The following DDX39A variants were observed in gnomAD, a reference collection of about 807,000 sequenced individuals.
DDX39A encodes the protein ATP-dependent RNA helicase DDX39A.
A neutral mutation model predicts 46.3 loss-of-function variants in DDX39A; 13 were observed. The ratio of observed to expected loss-of-function variants is 0.28; its 90% CI spans 0.18 to 0.45. DDX39A has a LOEUF of 0.45. Among genes scored for constraint, DDX39A ranks in the 20% least tolerant of loss-of-function variants. The pLI, the probability that DDX39A is intolerant of heterozygous loss-of-function variation, is 1.00. For synonymous variants in DDX39A, 234 were observed against 224.6 expected, an observed-to-expected ratio of 1.04 and a Z score of -0.38; for missense variants, 352 against 581.8, an observed-to-expected ratio of 0.61 and a Z score of 4.06.
chr19:14,412,753 G>T lies in DDX39A; in HGVS notation c.209-75C>A, dbSNP rs1356632704. 6.5e-7 allele frequency: 1 copy of T among 1,533,898 alleles called. No individual in the cohort carries two copies. Among genetic ancestry groups the T allele is most frequent in the East Asian group, 2.3e-5 (1 of 44,248 alleles). On this transcript the variant is annotated intron_variant, in intron 2 of 10. Transcript: ENST00000242776. The surrounding 1 kb of genome is among the most constrained non-coding windows in gnomAD (Gnocchi z 4.4). ...GCAGGATCCTCACCAGTTGACCGGG[G>T]GCCCACAGTGAGGGCAATCAGAAGA...
Position 14,411,679 on chromosome 19 carries a change from C to A in DDX39A, c.337-81G>T. On this transcript the variant is annotated intron_variant, in intron 3 of 10. Transcript: ENST00000242776. This position sits in a 1 kb window ranked among gnomAD's most constrained non-coding sequence, Gnocchi z 4.1. The stretch of plus-strand genomic sequence containing the variant: ...CCCACCAGAGTCCACCCAACCCAGT[C>A]CCCCTGACACTGCACCCAACATCAC... 8.1e-7 allele frequency: 1 copy of A among 1,231,290 alleles called. No homozygotes were observed. Among genetic ancestry groups the A allele is most frequent in the South Asian group, 1.3e-5 (1 of 79,970 alleles). The allele number at this position is 1,231,290 out of a possible 1,614,324, so 76.3% of individuals were successfully genotyped here.
chr19:14,417,684 A>AT (rs1483131796), intron 1 of DDX39A, among the ~76,000 whole-genome samples: 6 of 152,174 alleles, frequency 3.9e-5, no homozygotes. Context: ...AGGCTAAAAA[A>AT]TAAATAAGTA....
chr19:14,416,894 GCTGGTCGTGAA>G (rs1976831178), intron 1 of DDX39A, among the ~76,000 whole-genome samples: 1 of 152,068 alleles, frequency 6.6e-6, no homozygotes, highest in Non-Finnish European at 1.5e-5. Context: ...CGTTTCCCAG[GCTGGTCGTGAA>G]CTCCTGGACT....
intron 10 of DDX39A, 35 bp from the exon 11 acceptor site, chr19:14,408,987 G>T: frequency 6.2e-7 from 1 of 1,611,818 alleles, no homozygotes; most frequent in Non-Finnish European, 8.5e-7. Context: ...CTGAAGGGCC[G>T]GGGGAGGAAC....
At position 14,412,871 on chromosome 19, in the gene DDX39A, C is replaced by A; in HGVS notation, c.208+142G>T. 7.9e-7 allele frequency: 1 copy of A among 1,262,616 alleles called. No individual in the cohort carries two copies. The allele number at this position is 1,262,616 out of a possible 1,614,324, so 78.2% of individuals were successfully genotyped here. A position where few individuals can be genotyped will look rare whatever the true frequency, so the allele number is the denominator to read the frequency against. On this transcript the variant is annotated intron_variant, in intron 2 of 10. Coordinates refer to ENST00000242776, the MANE Select transcript of DDX39A (RefSeq NM_005804.4). This position sits in a 1 kb window ranked among gnomAD's most constrained non-coding sequence, Gnocchi z 4.4. ...CCCACTGCCGAGGGCAGCCACAGGC[C>A]CCGCTGGGCACAACTGATCCGCGGG...
chr19:14,415,513 TCTC>T (rs958099007), intron 1 of DDX39A, among the ~76,000 whole-genome samples: 3 of 151,928 alleles, frequency 2.0e-5, no homozygotes, highest in Admixed American at 2.0e-4. Flanking sequence ...CCCAAGCTGA[TCTC>T]CAACTTGTGG....
At chr19:14,418,911 C>T (rs1374677838) in intron 1 of DDX39A, 1 of 456,282 alleles carries the variant, frequency 2.2e-6, no homozygotes, top group Non-Finnish European at 4.4e-6. Context: ...CCACCCAGGC[C>T]CCAGACCCCG....
Position 14,414,953 on chromosome 19 carries a change from A to G in DDX39A, c.-4-1729T>C, listed in dbSNP as rs114574491. Among the ~76,000 whole-genome samples the G allele has an allele frequency of 5.8e-3, 883 of 151,758 alleles. 4 individuals carry two copies. Among genetic ancestry groups the G allele is most frequent in the African/African-American group, 8.0e-3 (333 of 41,428 alleles). ...CTCCAGCCTAAAAAAAAAAAAAAAA[A>G]AAAAGAAAAGCTTCACAGAGATATT... On this transcript the variant is annotated intron_variant, in intron 1 of 10. Coordinates refer to ENST00000242776, the MANE Select transcript of DDX39A (RefSeq NM_005804.4).
Position 14,411,089 on chromosome 19 carries a change from G to A in DDX39A, c.513C>T (p.Thr171=), listed in dbSNP as rs371817953. 1.6e-5 allele frequency: 25 copies of A among 1,612,348 alleles called. No homozygotes were observed. In the African/African-American group the frequency reaches 2.8e-4, roughly 18 times the overall value. Residue 171 remains threonine, a synonymous_variant, in exon 5 of 11, where the codon ACC becomes ACT. Coordinates refer to ENST00000242776, the MANE Select transcript of DDX39A (RefSeq NM_005804.4). This position sits in a 1 kb window ranked among gnomAD's most constrained non-coding sequence, Gnocchi z 4.1. ...GCACGAGCGCCAGGATGCGGCCCGG[G>A]GTCCCCACCACGACATGGGGACAGT... is the stretch of plus-strand genomic sequence containing the variant. The part of the protein sequence containing the change: ...KKNCPHVVVG[T]PGRILALVRN...
chr19:14,417,895 C>T (rs1976876200), intron 1 of DDX39A, among the ~76,000 whole-genome samples: 1 of 151,436 alleles, frequency 6.6e-6, no homozygotes, highest in East Asian at 1.9e-4. Context: ...TGGGGCCCAG[C>T]GTGGTGGCTC....
At chr19:14,417,796 C>T (rs750641067) in intron 1 of DDX39A, among the ~76,000 whole-genome samples, 5 of 151,998 alleles carry the variant, frequency 3.3e-5, no homozygotes, top group Non-Finnish European at 5.9e-5. Context: ...GCCAGGAGGT[C>T]GAGGCTGCCA....
chr19:14,414,304 C>A lies in DDX39A; in HGVS notation c.-4-1080G>T, dbSNP rs543905572. Among the ~76,000 whole-genome samples the A allele has an allele frequency of 6.6e-5, 10 of 151,240 alleles. No homozygotes were observed. In the East Asian group the frequency reaches 2.0e-3, roughly 29 times the overall value. ...GTTCTCACCTATGCTACCATGCTGG[C>A]CCCAAGCTGCTATCACCTGTTTTAT... On this transcript the variant is annotated intron_variant, in intron 1 of 10. Transcript: ENST00000242776.
chr19:14,413,910 C>T (rs1444332816), intron 1 of DDX39A: 2 of 152,298 alleles, frequency 1.3e-5, no homozygotes, highest in African/African-American at 4.8e-5. Context: ...GAAAGGCCTC[C>T]TATTGGGCCT....
intron 1 of DDX39A, among the ~76,000 whole-genome samples, chr19:14,418,151 A>C (rs1599301851): frequency 7.0e-6 from 1 of 143,538 alleles, no homozygotes; most frequent in Non-Finnish European, 1.5e-5. Context: ...AAAAAGAGAG[A>C]GAGAGATAAA....
At position 14,413,056 on chromosome 19, in the gene DDX39A, G is replaced by C; in HGVS notation, c.165C>G (p.Leu55=). Residue 55 remains leucine (L), a synonymous_variant, in exon 2 of 11, where the codon CTC becomes CTG. Coordinates refer to ENST00000242776, the MANE Select transcript of DDX39A (RefSeq NM_005804.4). ...GFRDFLLKPE[L]LRAIVDCGFE... ...AGCCACAGTCCACGATGGCCCGCAGGAGCTCCGGCTTCAGCAGAAAGTCCC... is the reference window on the plus strand; with the variant it reads ...AGCCACAGTCCACGATGGCCCGCAGCAGCTCCGGCTTCAGCAGAAAGTCCC... 1 of 1,614,210 alleles carries C rather than the reference G, an allele frequency of 6.2e-7. No homozygotes were observed. Among genetic ancestry groups the C allele is most frequent in the Non-Finnish European group, 8.5e-7 (1 of 1,180,038 alleles).
Position 14,410,911 on chromosome 19 carries a change from ACTCAAGAGCCTTCCGCCTG to A in DDX39A, c.613+59_613+77del. On this transcript the variant is annotated intron_variant, in intron 5 of 10. Transcript: ENST00000242776. This position sits in a 1 kb window ranked among gnomAD's most constrained non-coding sequence, Gnocchi z 4.3. ...CGCCTGCCGGCCGCCCATGTAACCC[ACTCAAGAGCCTTCCGCCTG>A]CTATGGGGCCCGCCTAGTCACTGAC... 1 of 1,375,536 alleles carries A rather than the reference ACTCAAGAGCCTTCCGCCTG, an allele frequency of 7.3e-7. No individual in the cohort carries two copies. The highest frequency in any genetic ancestry group is 2.7e-5 in the Admixed American group (1 of 37,732). The allele number at this position is 1,375,536 out of a possible 1,614,324, so 85.2% of individuals were successfully genotyped here.
rs369375673 is a variant in DDX39A, at chr19:14,409,713, G to A, written c.864+29C>T. ...CCCAGTGACCTCCCGAAGGTCCTGAGCCCCAGGACAGGCTGATGGAAGTAT... is the reference window on the plus strand; with the variant it reads ...CCCAGTGACCTCCCGAAGGTCCTGAACCCCAGGACAGGCTGATGGAAGTAT... On this transcript the variant is annotated intron_variant, in intron 7 of 10. Coordinates refer to ENST00000242776, the MANE Select transcript of DDX39A (RefSeq NM_005804.4). This position sits in a 1 kb window ranked among gnomAD's most constrained non-coding sequence, Gnocchi z 8.3. 4.3e-6 allele frequency: 7 copies of A among 1,613,468 alleles called. No individual in the cohort carries two copies. The highest frequency in any genetic ancestry group is 1.3e-5 in the African/African-American group (1 of 75,056).
Position 14,409,487 on chromosome 19 carries a change from G to A in DDX39A, c.975-40C>T, listed in dbSNP as rs748162385. 5.6e-6 allele frequency: 9 copies of A among 1,612,022 alleles called. No individual in the cohort carries two copies. In the South Asian group the frequency reaches 9.9e-5, roughly 18 times the overall value. ...AAACAAGTGGAGGCCGTCAGACACTGGGCTCCTGGTGGTGCTCCCTGCAGC... is the reference window on the plus strand; with the variant it reads ...AAACAAGTGGAGGCCGTCAGACACTAGGCTCCTGGTGGTGCTCCCTGCAGC... On this transcript the variant is annotated intron_variant, in intron 8 of 10. Coordinates refer to ENST00000242776, the MANE Select transcript of DDX39A (RefSeq NM_005804.4). This position sits in a 1 kb window ranked among gnomAD's most constrained non-coding sequence, Gnocchi z 8.3.
Position 14,408,988 on chromosome 19 carries a change from G to C in DDX39A, c.1268-36C>G, listed in dbSNP as rs377622562. On this transcript the variant is annotated intron_variant, in intron 10 of 10. Transcript: ENST00000242776. ...TGAGATGCAGTGAACTGAAGGGCCG[G>C]GGGAGGAACCCTCTGCCCCAGACCC... The C allele has an allele frequency of 5.6e-6, 9 of 1,612,308 alleles. No homozygotes were observed. The African/African-American group carries it at 1.2e-4, about 22-fold the overall frequency.
Sources: allele counts gnomAD v4.1 joint callset (sites outside exome capture counted in the v4.1 genomes callset), GRCh38; gene constraint gnomAD v4.1.1; non-coding constraint Gnocchi (gnomAD v3.1); transcripts MANE v1.5; gene names NCBI Gene and HGNC (gene_info 2026-07-23, HGNC 2026-07-21).